SLC13A3: variants seen among roughly 807,000 people sequenced by gnomAD.
SLC13A3 encodes solute carrier family 13 member 3.
SLC13A3 carries 40 observed loss-of-function variants against 59.0 expected under a neutral mutation model. The observed-to-expected ratio is 0.68, with a 90% CI of 0.53 to 0.88. The LOEUF is 0.88. Among genes scored for constraint, SLC13A3 ranks in the 40% least tolerant of loss-of-function variants. The probability of loss-of-function intolerance (pLI) is 0.00; values close to 1 mark genes in which losing one functional copy is unlikely to be tolerated. For synonymous variants in SLC13A3, 317 were observed against 330.3 expected (o/e 0.96, Z 0.44); for missense variants, 699 against 783.2 (o/e 0.89, Z 1.28).
At chr20:46,575,155 A>AG (rs1235183931) in intron 10 of SLC13A3, among the ~76,000 whole-genome samples, 3 of 151,916 alleles carry the variant, frequency 2.0e-5, no homozygotes, top group Admixed American at 1.3e-4. Flanking sequence ...AAAGAGAGAG[A>AG]AAAAAAGAGA....
chr20:46,609,523 C>A lies in SLC13A3; in HGVS notation c.541+923G>T, dbSNP rs2062471068. 2.0e-5 allele frequency among the ~76,000 whole-genome samples: 3 copies of A among 152,156 alleles called. 1 individual carries two copies. The highest frequency in any genetic ancestry group is 4.1e-4 in the South Asian group (2 of 4,822). ...TCCCCATTTCCCACTCTCACCCTTT[C>A]CATAGCAACCATTCTGATATGTTTA... is the stretch of plus-strand genomic sequence containing the variant. On this transcript the variant is annotated intron_variant, in intron 3 of 12. Coordinates refer to ENST00000279027, the MANE Select transcript of SLC13A3 (RefSeq NM_022829.6).
intron 1 of SLC13A3, among the ~76,000 whole-genome samples, chr20:46,628,372 C>T (rs985370552): frequency 4.6e-5 from 7 of 152,266 alleles, no homozygotes; most frequent in African/African-American, 1.7e-4. Flanking sequence ...GTAGCAGCTT[C>T]GGGTAAAACA....
intron 4 of SLC13A3, among the ~76,000 whole-genome samples, chr20:46,599,711 A>G (rs2062353371): frequency 6.6e-6 from 1 of 152,164 alleles, no homozygotes; most frequent in Admixed American, 6.5e-5. Context: ...TTCAAGAGGA[A>G]AGTACCTGTG....
intron 8 of SLC13A3, among the ~76,000 whole-genome samples, chr20:46,585,988 G>C (rs1399999780): frequency 6.6e-6 from 1 of 152,092 alleles, no homozygotes; most frequent in Non-Finnish European, 1.5e-5. Context: ...AATGTGGCAA[G>C]ACCAAACTGA....
chr20:46,589,978 G>A (rs1745890397), intron 6 of SLC13A3, among the ~76,000 whole-genome samples: 1 of 152,182 alleles, frequency 6.6e-6, no homozygotes, highest in Admixed American at 6.5e-5. Context: ...TCAGAAGAAA[G>A]GGCAGTGGTA....
chr20:46,564,358 TA>T (rs1388241204), intron 11 of SLC13A3, among the ~76,000 whole-genome samples: 3 of 152,238 alleles, frequency 2.0e-5, no homozygotes, highest in Non-Finnish European at 4.4e-5. Flanking sequence ...GCGTTTTACT[TA>T]AATAGGATAT....
Position 46,566,217 on chromosome 20 carries a change from A to G in SLC13A3, c.1494+12T>C. ...GGAGGGGTGCTCCCCTCTTCCCCAG[A>G]AGGACCCTCACCAGCTCTGCCAGGA... is the stretch of plus-strand genomic sequence containing the variant. On this transcript the variant is annotated intron_variant, in intron 11 of 12. Transcript: ENST00000279027. 1 of 1,610,960 alleles carries G rather than the reference A, an allele frequency of 6.2e-7. No individual in the cohort carries two copies. The highest frequency in any genetic ancestry group is 8.5e-7 in the Non-Finnish European group (1 of 1,177,508).
intron 1 of SLC13A3, among the ~76,000 whole-genome samples, chr20:46,616,804 G>A (rs1019543077): frequency 6.6e-6 from 1 of 152,200 alleles, no homozygotes; most frequent in Admixed American, 6.5e-5. Flanking sequence ...TTCAGACTTG[G>A]CCAAGGCCAC....
rs747888544 is a variant in SLC13A3, at chr20:46,609,115, A to T, written c.541+1331T>A. The T allele has an allele frequency of 7.3e-5, 110 of 1,509,746 alleles. No individual in the cohort carries two copies. The Middle Eastern group carries it at 1.0e-3, about 14-fold the overall frequency. The allele number at this position is 1,509,746 out of a possible 1,614,324, so 93.5% of individuals were successfully genotyped here. A position where few individuals can be genotyped will look rare whatever the true frequency, so the allele number is the denominator to read the frequency against. On this transcript the variant is annotated intron_variant, in intron 3 of 12. Transcript: ENST00000279027. ...TTAAACTAGCCATTTCTGCCCACATATGTATCAATTCAAATCTTCCTTTTA... is the reference window on the plus strand; with the variant it reads ...TTAAACTAGCCATTTCTGCCCACATTTGTATCAATTCAAATCTTCCTTTTA...
chr20:46,639,975 G>T (rs1235170458), intron 1 of SLC13A3, among the ~76,000 whole-genome samples: 1 of 152,124 alleles, frequency 6.6e-6, no homozygotes, highest in African/African-American at 2.4e-5. Context: ...GGAACCACTC[G>T]GTGCCTCAGT....
At chr20:46,608,755 A>G in intron 3 of SLC13A3, 1 of 1,161,740 alleles carries the variant, frequency 8.6e-7, no homozygotes, top group Non-Finnish European at 1.2e-6. Context: ...TATTTTAAAA[A>G]CTAGAACTAG....
intron 1 of SLC13A3, among the ~76,000 whole-genome samples, chr20:46,623,816 C>G (rs2062640433): frequency 6.6e-6 from 1 of 152,138 alleles, no homozygotes; most frequent in Admixed American, 6.5e-5. Context: ...TCCTTTGAGG[C>G]AGATATTATT....
At chr20:46,656,389 T>G (rs1382566239), upstream of SLC13A3, among the ~76,000 whole-genome samples, 8 of 17,260 alleles carry the variant, frequency 4.6e-4, no homozygotes, top group African/African-American at 1.8e-3. Flanking sequence ...TTATACTGTA[T>G]ATGATATACT....
At chr20:46,639,326 G>T (rs1210590072) in intron 1 of SLC13A3, among the ~76,000 whole-genome samples, 4 of 152,158 alleles carry the variant, frequency 2.6e-5, no homozygotes, top group Non-Finnish European at 5.9e-5. Flanking sequence ...GCCTGGCGTG[G>T]TGGCAGGTGC....
chr20:46,623,357 T>C (rs894401926), intron 1 of SLC13A3, among the ~76,000 whole-genome samples: 6 of 152,164 alleles, frequency 3.9e-5, no homozygotes, highest in African/African-American at 4.8e-5. Flanking sequence ...CTTCTATGTA[T>C]TAACTCATGT....
At chr20:46,583,494 G>T in intron 9 of SLC13A3, 78 bp downstream of exon 9, 3 of 1,569,958 alleles carry the variant, frequency 1.9e-6, no homozygotes, top group East Asian at 2.2e-5. Flanking sequence ...GCAGTGGGGG[G>T]CTCCAGGCCC....
At chr20:46,590,215 A>T (rs2062239447) in intron 6 of SLC13A3, among the ~76,000 whole-genome samples, 1 of 151,564 alleles carries the variant, frequency 6.6e-6, no homozygotes, top group African/African-American at 2.4e-5. Context: ...GTTTAAATGT[A>T]AAAAAAAATA....
At chr20:46,606,916 G>A (rs1479009906) in intron 3 of SLC13A3, among the ~76,000 whole-genome samples, 1 of 152,240 alleles carries the variant, frequency 6.6e-6, no homozygotes, top group Non-Finnish European at 1.5e-5. Flanking sequence ...AGGAAGTGCA[G>A]GGCACAGAAC....
At chr20:46,669,132 C>T (rs1365807305) in intron 1 of SLC13A3, among the ~76,000 whole-genome samples, 1 of 152,192 alleles carries the variant, frequency 6.6e-6, no homozygotes, top group African/African-American at 2.4e-5. Context: ...TATCCCCACA[C>T]AAATACTGAA....
Sources: allele counts gnomAD v4.1 joint callset (sites outside exome capture counted in the v4.1 genomes callset), GRCh38; gene constraint gnomAD v4.1.1; transcripts MANE v1.5; gene names NCBI Gene and HGNC (gene_info 2026-07-23, HGNC 2026-07-21).